ENTREP2: variants seen among roughly 807,000 people sequenced by gnomAD.
The protein encoded by ENTREP2 is protein ENTREP2.
the ENTREP2 span, among the ~76,000 whole-genome samples, chr15:29,401,282 C>A: frequency 1.3e-5 from 2 of 151,830 alleles, no homozygotes; most frequent in African/African-American, 4.8e-5. Context: ...CATAAACAGA[C>A]AAAAGGTTTT....
chr15:29,560,128 A>G, the ENTREP2 span, among the ~76,000 whole-genome samples: 2 of 152,220 alleles, frequency 1.3e-5, no homozygotes, highest in Non-Finnish European at 2.9e-5. Flanking sequence ...CACAGCAGGC[A>G]GAAGTCTGTA....
At chr15:29,544,443 A>G in the ENTREP2 span, among the ~76,000 whole-genome samples, 2 of 152,202 alleles carry the variant, frequency 1.3e-5, no homozygotes, top group East Asian at 3.9e-4. Flanking sequence ...AGCCATGTGA[A>G]TGTACCTACT....
chr15:29,509,657 G>A, the ENTREP2 span, among the ~76,000 whole-genome samples: 1 of 152,160 alleles, frequency 6.6e-6, no homozygotes, highest in Non-Finnish European at 1.5e-5. Context: ...ATGGGGAAAG[G>A]ATTCCATATT....
chr15:29,626,506 C>T, the ENTREP2 span, among the ~76,000 whole-genome samples: 2 of 152,148 alleles, frequency 1.3e-5, no homozygotes, highest in South Asian at 2.1e-4. Flanking sequence ...ACTGTGAGTT[C>T]ATTAAACCTC....
the ENTREP2 span, among the ~76,000 whole-genome samples, chr15:29,603,443 G>T: frequency 5.3e-5 from 8 of 152,020 alleles, no homozygotes; most frequent in Admixed American, 6.6e-5. Flanking sequence ...CAAGTGTGAG[G>T]TCCACCAGAC....
chr15:29,271,269 C>T, the ENTREP2 span, among the ~76,000 whole-genome samples: 9 of 152,168 alleles, frequency 5.9e-5, no homozygotes, highest in Admixed American at 5.9e-4. Context: ...TGAGAAAATT[C>T]ATCTGCTTCA....
chr15:29,586,716 T>C, the ENTREP2 span, among the ~76,000 whole-genome samples: 1 of 146,992 alleles, frequency 6.8e-6, no homozygotes, highest in Non-Finnish European at 1.5e-5. Flanking sequence ...ACCACTGCAC[T>C]CCAGCCTGGG....
chr15:29,353,344 C>A, the ENTREP2 span, among the ~76,000 whole-genome samples: 1 of 152,158 alleles, frequency 6.6e-6, no homozygotes, highest in Non-Finnish European at 1.5e-5. Context: ...ACCCGCCAGA[C>A]AAGAGCCCTG....
At chr15:29,628,994 C>T in the ENTREP2 span, among the ~76,000 whole-genome samples, 3 of 152,164 alleles carry the variant, frequency 2.0e-5, no homozygotes, top group African/African-American at 7.2e-5. Flanking sequence ...AAGTGCTCTA[C>T]CCGCCTCGGC....
chr15:29,185,207 T>C, the ENTREP2 span, among the ~76,000 whole-genome samples: 3 of 151,872 alleles, frequency 2.0e-5, no homozygotes, highest in Non-Finnish European at 4.4e-5. Context: ...GAATATCAAA[T>C]TGCTCAGAAC....
the ENTREP2 span, among the ~76,000 whole-genome samples, chr15:29,506,000 C>A: frequency 0.046 from 7,024 of 151,982 alleles, 515 homozygotes; most frequent in African/African-American, 0.16. This position sits in a 1 kb window ranked among gnomAD's most constrained non-coding sequence, Gnocchi z 4.3. Context: ...AATGCAAGGA[C>A]GCTAAGAGCC....
chr15:29,237,449 G>A, the ENTREP2 span, among the ~76,000 whole-genome samples: 1 of 152,084 alleles, frequency 6.6e-6, no homozygotes. Flanking sequence ...TTTTCTAAAA[G>A]TTTTGTAGTT....
At chr15:29,558,266 G>C in the ENTREP2 span, among the ~76,000 whole-genome samples, 1 of 152,084 alleles carries the variant, frequency 6.6e-6, no homozygotes, top group African/African-American at 2.4e-5. Flanking sequence ...TGCCTAGCAG[G>C]CCTCTGAAGC....
the ENTREP2 span, among the ~76,000 whole-genome samples, chr15:29,278,388 T>G: frequency 6.6e-5 from 10 of 152,230 alleles, no homozygotes; most frequent in Non-Finnish European, 1.3e-4. Flanking sequence ...GTCTCCCTTC[T>G]GAGAGAGTCC....
At chr15:29,642,447 T>TACAC in the ENTREP2 span, among the ~76,000 whole-genome samples, 1 of 148,866 alleles carries the variant, frequency 6.7e-6, no homozygotes, top group South Asian at 2.1e-4. Context: ...TATACATATA[T>TACAC]ATATACACAC....
the ENTREP2 span, among the ~76,000 whole-genome samples, chr15:29,279,614 T>G: frequency 1.2e-4 from 19 of 152,140 alleles, no homozygotes; most frequent in South Asian, 3.9e-3. Flanking sequence ...CCGCCCACCT[T>G]GGCCTCCCAA....
the ENTREP2 span, among the ~76,000 whole-genome samples, chr15:29,330,481 T>C: frequency 6.6e-6 from 1 of 152,072 alleles, no homozygotes; most frequent in Non-Finnish European, 1.5e-5. Flanking sequence ...TCTTTACCTC[T>C]CTGGTCTTCT....
chr15:29,329,207 C>CA, the ENTREP2 span, among the ~76,000 whole-genome samples: 1 of 151,740 alleles, frequency 6.6e-6, no homozygotes, highest in Non-Finnish European at 1.5e-5. Flanking sequence ...CTAAAAAATA[C>CA]AAAAAATTAG....
the ENTREP2 span, among the ~76,000 whole-genome samples, chr15:29,365,934 C>T: frequency 6.6e-6 from 1 of 152,262 alleles, no homozygotes; most frequent in South Asian, 2.1e-4. Flanking sequence ...ACCCAGCATT[C>T]ACGCTGAAAC....
Sources: gnomAD v4.1 joint callset for allele counts (sites outside exome capture counted in the v4.1 genomes callset) on GRCh38, gnomAD v4.1.1 for gene constraint, Gnocchi (gnomAD v3.1) non-coding constraint, MANE v1.5 for transcripts, NCBI Gene and HGNC (gene_info 2026-07-23, HGNC 2026-07-21) for gene names.